The following USP14 variants were observed in gnomAD, a reference collection of about 807,000 sequenced individuals.
USP14 encodes ubiquitin specific peptidase 14, also known as ubiquitin carboxyl-terminal hydrolase 14.
Under a neutral mutation model 76.5 loss-of-function variants are expected in USP14, and 38 were observed. The observed-to-expected ratio is 0.50, with a 90% CI of 0.38 to 0.65. The LOEUF is 0.65. Among genes scored for constraint, USP14 ranks in the 30% least tolerant of loss-of-function variants. The pLI, the probability that USP14 is intolerant of heterozygous loss-of-function variation, is 0.00. For missense variants in USP14, 467 were observed against 586.5 expected, an observed-to-expected ratio of 0.80 and a Z score of 2.10; for synonymous variants, 192 against 191.7, an observed-to-expected ratio of 1.00 and a Z score of -0.01.
chr18:172,880 T>C (rs541216865), intron 3 of USP14, among the ~76,000 whole-genome samples: 1 of 152,336 alleles, frequency 6.6e-6, no homozygotes, highest in South Asian at 2.1e-4. Context: ...TCTCATGCTC[T>C]GGAACCCAAA....
Position 200,804 on chromosome 18 carries a change from T to C in USP14, c.876+1488T>C, listed in dbSNP as rs931412911. 2.0e-5 allele frequency among the ~76,000 whole-genome samples: 3 copies of C among 152,244 alleles called. No individual in the cohort carries two copies. In the East Asian group the frequency reaches 5.8e-4, roughly 29 times the overall value. ...TGTTTATTTTATTTTATTTTATTTATTTATTTACTTATTTTGAGACGGAGT... is the reference window on the plus strand; with the variant it reads ...TGTTTATTTTATTTTATTTTATTTACTTATTTACTTATTTTGAGACGGAGT... On this transcript the variant is annotated intron_variant, in intron 10 of 15. Transcript: ENST00000261601.
intron 5 of USP14, among the ~76,000 whole-genome samples, chr18:185,781 A>G (rs1909912314): frequency 6.6e-6 from 1 of 150,452 alleles, no homozygotes; most frequent in Non-Finnish European, 1.5e-5. Flanking sequence ...TGCAGCCTTG[A>G]CCTCTTGGGC....
Position 214,000 on chromosome 18 carries a change from T to TA in USP14, c.*2716_*2717insA, listed in dbSNP as rs59833745. 6.8e-3 allele frequency: 1,010 copies of TA among 149,432 alleles called. 9 individuals are homozygous for TA. The highest frequency in any genetic ancestry group is 0.037 in the East Asian group (189 of 5,122). 9.3% of individuals were successfully genotyped at this position (149,432 alleles called of 1,614,324 possible). ...TTAGATAGATAGATAGATAGATAGA[T>TA]GATGATTGATTGATGATTGATAGTA... On this transcript the variant is annotated 3_prime_UTR_variant, in exon 16 of 16. Transcript: ENST00000261601.
intron 2 of USP14, among the ~76,000 whole-genome samples, chr18:166,069 C>T (rs1300155332): frequency 1.3e-5 from 2 of 152,062 alleles, no homozygotes; most frequent in Admixed American, 6.5e-5. Flanking sequence ...TTTATAGATG[C>T]GTTATAGACA....
rs1385838387 is a variant in USP14 at position 193,932 on chromosome 18, CTT to C, written c.463+1034_463+1035del. On this transcript the variant is annotated intron_variant, in intron 6 of 15. Coordinates refer to ENST00000261601, the MANE Select transcript of USP14 (RefSeq NM_005151.4). ...GGTGTGGACAAATGCTTTCATTTCT[CTT>C]TGGTATGCATCTAGGAGTGGAGTTA... Among the ~76,000 whole-genome samples, 16 of 152,294 alleles carry C rather than the reference CTT, an allele frequency of 1.1e-4. No individual in the cohort carries two copies. In the East Asian group the frequency reaches 3.1e-3, roughly 29 times the overall value.
intron 5 of USP14, among the ~76,000 whole-genome samples, chr18:185,890 C>T (rs1048920649): frequency 2.8e-5 from 4 of 141,570 alleles, no homozygotes; most frequent in Non-Finnish European, 6.1e-5. Flanking sequence ...TAAGTAGAGA[C>T]AAGAGATGGC....
intron 3 of USP14, among the ~76,000 whole-genome samples, chr18:168,120 T>G (rs1909330115): frequency 6.6e-6 from 1 of 151,764 alleles, no homozygotes; most frequent in African/African-American, 2.4e-5. Context: ...GAGATGGGGT[T>G]TCTCCATGTT....
chr18:190,021 C>T (rs1360465772), intron 5 of USP14, among the ~76,000 whole-genome samples: 2 of 152,160 alleles, frequency 1.3e-5, no homozygotes, highest in Non-Finnish European at 2.9e-5. Flanking sequence ...ACTCTATGAA[C>T]AGAAATGTAC....
chr18:175,050 A>G (rs1362472277), intron 3 of USP14, among the ~76,000 whole-genome samples: 1 of 151,900 alleles, frequency 6.6e-6, no homozygotes, highest in African/African-American at 2.4e-5. Context: ...TGGGATTACA[A>G]GCGTGAGCCA....
At chr18:188,959 G>A (rs972249089) in intron 5 of USP14, among the ~76,000 whole-genome samples, 8 of 152,158 alleles carry the variant, frequency 5.3e-5, no homozygotes, top group Non-Finnish European at 1.0e-4. Context: ...GATTACAGGC[G>A]TGAGCCACCG....
intron 5 of USP14, among the ~76,000 whole-genome samples, chr18:191,358 C>T (rs1467374153): frequency 6.6e-6 from 1 of 152,144 alleles, no homozygotes; most frequent in Non-Finnish European, 1.5e-5. Context: ...CAATTTAACA[C>T]AATACTCTCT....
rs1431960720 is a variant in USP14 at position 204,632 on chromosome 18, G to A, written c.1104G>A (p.Val368=). The part of the protein sequence containing the change: ...LCTPELQEKM[V]SFRSKFKDLE... The stretch of plus-strand genomic sequence containing the variant: ...CACCAGAACTTCAAGAGAAAATGGT[G>A]TCTTTTCGATCCAAATTCAAGGATC... The change falls in exon 13 of 16, where the codon GTG becomes GTA. Residue 368 remains valine (V), a synonymous_variant. Transcript: ENST00000261601. 2 of 1,613,368 alleles carry A rather than the reference G, an allele frequency of 1.2e-6. No homozygotes were observed. The highest frequency in any genetic ancestry group is 1.7e-6 in the Non-Finnish European group (2 of 1,179,766).
At chr18:196,191 G>A (rs1001964273) in intron 6 of USP14, among the ~76,000 whole-genome samples, 2 of 151,868 alleles carry the variant, frequency 1.3e-5, no homozygotes, top group African/African-American at 4.8e-5. Flanking sequence ...AGGCATGGTG[G>A]CATGCTCCTG....
rs975382119 is a variant in USP14, at chr18:184,813, A to G, written c.404+4474A>G. Among the ~76,000 whole-genome samples, 4 of 152,136 alleles carry G rather than the reference A, an allele frequency of 2.6e-5. No homozygotes were observed. The South Asian group carries it at 6.2e-4, about 24-fold the overall frequency. On this transcript the variant is annotated intron_variant, in intron 5 of 15. Coordinates refer to ENST00000261601, the MANE Select transcript of USP14 (RefSeq NM_005151.4). The stretch of plus-strand genomic sequence containing the variant: ...AAGAGAGTGGGATGTATAATGATGG[A>G]GGGTAGAAGGAAAGTGTGTTCAAGA...
At position 184,816 on chromosome 18, in the gene USP14, G is replaced by A. The variant is rs141709246; in HGVS notation, c.404+4477G>A. Among the ~76,000 whole-genome samples, 291 of 152,122 alleles carry A rather than the reference G, an allele frequency of 1.9e-3. 3 individuals carry two copies. The highest frequency in any genetic ancestry group is 6.3e-3 in the African/African-American group (263 of 41,494). On this transcript the variant is annotated intron_variant, in intron 5 of 15. Transcript: ENST00000261601. ...AGAGTGGGATGTATAATGATGGAGG[G>A]TAGAAGGAAAGTGTGTTCAAGAGAA...
In USP14 at chr18:178,969, C is replaced by T. The variant is rs758154648; in HGVS notation, c.232C>T (p.Leu78Phe). The change falls in exon 4 of 16, where the codon CTT (leucine) becomes TTT (phenylalanine). Residue 78 changes from leucine to phenylalanine, a missense_variant. By Grantham distance (22) the Leu-to-Phe change is conservative (BLOSUM62 0). Coordinates refer to ENST00000261601, the MANE Select transcript of USP14 (RefSeq NM_005151.4). ...TLLMMGSADA[L>F]PEEPSAKTVF... ...ACTAATGATGGGGTCAGCAGATGCT[C>T]TTCCAGAAGAACCCTCAGCCAAAAC... 1 of 1,613,372 alleles carries T rather than the reference C, an allele frequency of 6.2e-7. No individual in the cohort carries two copies. Among genetic ancestry groups the T allele is most frequent in the Admixed American group, 1.7e-5 (1 of 59,876 alleles).
chr18:158,671 GCGC>G lies in USP14; in HGVS notation c.-20_-18del, dbSNP rs1356817214. The G allele has an allele frequency of 6.6e-6, 10 of 1,519,718 alleles. No homozygotes were observed. The African/African-American group carries it at 7.2e-5, about 11-fold the overall frequency. 94.1% of individuals were successfully genotyped at this position (1,519,718 alleles called of 1,614,324 possible). On this transcript the variant is annotated 5_prime_UTR_variant, in exon 1 of 16. Coordinates refer to ENST00000261601, the MANE Select transcript of USP14 (RefSeq NM_005151.4). The stretch of plus-strand genomic sequence containing the variant: ...CGCCCTCGTCAGGCCCAGCTCTCCT[GCGC>G]CGCCGCCTCCCGCCGCGCCCCGCCA...
chr18:210,296 T>C, intron 14 of USP14, 90 bp from the exon 15 acceptor site: 1 of 962,236 alleles, frequency 1.0e-6, no homozygotes, highest in Non-Finnish European at 1.6e-6. Context: ...ACTTTCGTAA[T>C]GTGAACTTTA....
chr18:174,268 C>CTTTTTT (rs34265974), intron 3 of USP14, among the ~76,000 whole-genome samples: 1 of 130,556 alleles, frequency 7.7e-6, no homozygotes, highest in South Asian at 2.5e-4. Context: ...GTTTTTCTTT[C>CTTTTTT]TTTTTTTTTT....
Sources: allele counts gnomAD v4.1 joint callset (sites outside exome capture counted in the v4.1 genomes callset), GRCh38; gene constraint gnomAD v4.1.1; transcripts MANE v1.5; gene names NCBI Gene and HGNC (gene_info 2026-07-23, HGNC 2026-07-21).